SGIP1: variants seen among roughly 807,000 people sequenced by gnomAD.
SGIP1 encodes SH3-containing GRB2-like protein 3-interacting protein 1.
A neutral mutation model predicts 107.5 loss-of-function variants in SGIP1; 38 were observed. The observed-to-expected ratio is 0.35, with a 90% CI of 0.27 to 0.46. The LOEUF (loss-of-function observed/expected upper bound fraction) is 0.46, where lower values mean the gene tolerates loss of function less well. Ranked by LOEUF, SGIP1 falls within the 20% of genes least tolerant of loss-of-function variation. The pLI, the probability that SGIP1 is intolerant of heterozygous loss-of-function variation, is 1.00. For missense variants in SGIP1, 929 were observed against 1,019.5 expected (o/e 0.91, Z 1.21); for synonymous variants, 365 against 366.1 (o/e 1.00, Z 0.03).
chr1:66,543,014 C>T (rs1166446347), intron 1 of SGIP1, among the ~76,000 whole-genome samples: 1 of 152,192 alleles, frequency 6.6e-6, no homozygotes, highest in Non-Finnish European at 1.5e-5. Context: ...CTGGATGTTT[C>T]AAAAGCCTTC....
Position 66,593,460 on chromosome 1 carries a change from T to C in SGIP1, c.11-32387T>C, listed in dbSNP as rs28439170. On this transcript the variant is annotated intron_variant, in intron 1 of 24. Coordinates refer to ENST00000371037, the MANE Select transcript of SGIP1 (RefSeq NM_032291.4). ...TCTACAATTCTGTTTACCTTTCACA[T>C]GGATTGATGGTCAATTGTGTCATAG... 2.3e-3 allele frequency among the ~76,000 whole-genome samples: 348 copies of C among 152,340 alleles called. 10 individuals are homozygous for C. The East Asian group carries it at 0.063, about 28-fold the overall frequency.
chr1:66,560,818 G>T (rs1220112310), intron 1 of SGIP1, among the ~76,000 whole-genome samples: 1 of 152,088 alleles, frequency 6.6e-6, no homozygotes, highest in Admixed American at 6.6e-5. Flanking sequence ...CCTTAGGCAA[G>T]TTCTTAAGCT....
At chr1:66,630,967 AAG>A (rs141129384) in intron 2 of SGIP1, among the ~76,000 whole-genome samples, 4,472 of 68,560 alleles carry the variant, frequency 0.065, 826 homozygotes, top group Non-Finnish European at 0.088. Context: ...GAAAGAAAGA[AAG>A]AGAGGAAAGA....
Position 66,669,279 on chromosome 1 carries a change from G to T in SGIP1, c.484-1716G>T, listed in dbSNP as rs183765519. ...CCATTGAATGAATTGACACACCTGG[G>T]AATTGATGACTACAAAAGGAGCTCT... On this transcript the variant is annotated intron_variant, in intron 9 of 24. Coordinates refer to ENST00000371037, the MANE Select transcript of SGIP1 (RefSeq NM_032291.4). Among the ~76,000 whole-genome samples, 233 of 152,294 alleles carry T rather than the reference G, an allele frequency of 1.5e-3. 1 individual carries two copies. Among genetic ancestry groups the T allele is most frequent in the African/African-American group, 5.2e-3 (216 of 41,560 alleles).
At chr1:66,556,501 A>G (rs769495070) in intron 1 of SGIP1, among the ~76,000 whole-genome samples, 19 of 152,110 alleles carry the variant, frequency 1.2e-4, no homozygotes, top group Non-Finnish European at 1.9e-4. Flanking sequence ...GTAGGTTCAA[A>G]TTCACAAAAG....
chr1:66,683,871 T>A (rs1201820829), intron 15 of SGIP1, among the ~76,000 whole-genome samples: 2 of 152,012 alleles, frequency 1.3e-5, no homozygotes, highest in African/African-American at 4.8e-5. Flanking sequence ...ACCCAGCTAC[T>A]TTTTTTCAGT....
At chr1:66,599,929 C>T (rs919522058) in intron 1 of SGIP1, among the ~76,000 whole-genome samples, 2 of 152,180 alleles carry the variant, frequency 1.3e-5, no homozygotes, top group African/African-American at 4.8e-5. Flanking sequence ...ATTTTCCCTT[C>T]AGCCTTCACA....
intron 1 of SGIP1, among the ~76,000 whole-genome samples, chr1:66,605,428 AAG>A (rs1175161011): frequency 6.6e-6 from 1 of 152,122 alleles, no homozygotes; most frequent in African/African-American, 2.4e-5. Flanking sequence ...CAAGGCAGAA[AAG>A]AGAGATGTGA....
rs566228380 is a variant in SGIP1, at chr1:66,708,273, G to A, written c.1631-11021G>A. On this transcript the variant is annotated intron_variant, in intron 18 of 24. Transcript: ENST00000371037. ...AGGCATGTAATGTGTTTAGCACAGC[G>A]GCCATCGTATACAAGTGCTTTACAT... 4.6e-5 allele frequency among the ~76,000 whole-genome samples: 7 copies of A among 152,262 alleles called. No individual in the cohort carries two copies. In the East Asian group the frequency reaches 1.2e-3, roughly 25 times the overall value.
intron 18 of SGIP1, among the ~76,000 whole-genome samples, chr1:66,702,189 A>C (rs1413506138): frequency 6.6e-6 from 1 of 152,214 alleles, no homozygotes. Context: ...GAGTAAACAA[A>C]GGCTCTGAGC....
chr1:66,573,299 T>A lies in SGIP1; in HGVS notation c.10+38931T>A, dbSNP rs558084694. Among the ~76,000 whole-genome samples, 3 of 152,248 alleles carry A rather than the reference T, an allele frequency of 2.0e-5. No homozygotes were observed. The East Asian group carries it at 5.8e-4, about 29-fold the overall frequency. Reference sequence around the variant, plus strand: ...TGAGGTTACAGAGAAAAAGAAATGCTTATAAACTGTTTGTGGGAGTGTAAA... The same window carrying A: ...TGAGGTTACAGAGAAAAAGAAATGCATATAAACTGTTTGTGGGAGTGTAAA... On this transcript the variant is annotated intron_variant, in intron 1 of 24. Transcript: ENST00000371037.
At chr1:66,665,379 C>A (rs578081614) in intron 8 of SGIP1, among the ~76,000 whole-genome samples, 1 of 152,270 alleles carries the variant, frequency 6.6e-6, no homozygotes, top group Admixed American at 6.5e-5. Context: ...CATTGATGGA[C>A]ATTTGGATTG....
At chr1:66,573,453 G>A (rs147529777) in intron 1 of SGIP1, among the ~76,000 whole-genome samples, 53 of 152,178 alleles carry the variant, frequency 3.5e-4, no homozygotes, top group African/African-American at 1.2e-3. Flanking sequence ...AACGACACAT[G>A]CACTCATATG....
intron 20 of SGIP1, among the ~76,000 whole-genome samples, chr1:66,732,499 C>G (rs1336786788): frequency 6.6e-6 from 1 of 152,164 alleles, no homozygotes. Flanking sequence ...GGCCAAAGAG[C>G]TTTGCCTCAT....
chr1:66,739,261 C>T (rs117027494), intron 21 of SGIP1, 74 bp from the exon 22 acceptor site: 2 of 1,497,222 alleles, frequency 1.3e-6, no homozygotes, highest in East Asian at 2.4e-5. Context: ...GCATAAACAA[C>T]ATATGACATT....
chr1:66,641,170 AC>A (rs2076723638), intron 5 of SGIP1, among the ~76,000 whole-genome samples: 1 of 152,192 alleles, frequency 6.6e-6, no homozygotes, highest in African/African-American at 2.4e-5. Context: ...TATCTAATGT[AC>A]TAAAAATTTG....
chr1:66,667,317 T>C (rs2082794885), intron 8 of SGIP1, among the ~76,000 whole-genome samples: 2 of 152,238 alleles, frequency 1.3e-5, no homozygotes, highest in African/African-American at 4.8e-5. Context: ...AAAGCTGTAT[T>C]GTACAATGGA....
At chr1:66,648,156 C>T (rs2077995767) in intron 7 of SGIP1, among the ~76,000 whole-genome samples, 3 of 152,174 alleles carry the variant, frequency 2.0e-5, no homozygotes, top group Admixed American at 6.6e-5. Context: ...CCAGTCAGTG[C>T]TCTGATGTGG....
chr1:66,544,977 T>G (rs554559839), intron 1 of SGIP1, among the ~76,000 whole-genome samples: 6 of 152,284 alleles, frequency 3.9e-5, no homozygotes, highest in Non-Finnish European at 5.9e-5. Flanking sequence ...GATTAATTCC[T>G]AATTCCTCCT....
Sources: allele counts gnomAD v4.1 joint callset (sites outside exome capture counted in the v4.1 genomes callset), GRCh38; gene constraint gnomAD v4.1.1; transcripts MANE v1.5; gene names NCBI Gene and HGNC (gene_info 2026-07-23, HGNC 2026-07-21).